The following CRK variants were observed in gnomAD, a reference collection of about 807,000 sequenced individuals.
CRK encodes the protein CRK proto-oncogene, adaptor protein.
In CRK, 4 loss-of-function variants were observed where a neutral mutation model predicts 29.8. That is an observed-to-expected ratio of 0.13 (90% CI 0.07 to 0.31). The LOEUF is 0.31. CRK is among the 10% of genes least tolerant of loss of function. The pLI is 1.00. For synonymous variants in CRK, 153 were observed against 164.9 expected, an observed-to-expected ratio of 0.93 and a Z score of 0.55; for missense variants, 274 against 396.5, an observed-to-expected ratio of 0.69 and a Z score of 2.62.
At position 1,422,187 on chromosome 17, in the gene CRK, T is replaced by C. The variant is rs1005865580; in HGVS notation, c.*1326A>G. 2 of 148,942 alleles carry C rather than the reference T, an allele frequency of 1.3e-5. No homozygotes were observed. The highest frequency in any genetic ancestry group is 3.0e-5 in the Non-Finnish European group (2 of 67,230). The allele number at this position is 148,942 out of a possible 1,614,324, so 9.2% of individuals were successfully genotyped here. ...TTTTCCTTTTTTTTTTTTTTGAGAC[T>C]GAGTCTTGCCCTGTCGCTCAGGCTG... On this transcript the variant is annotated 3_prime_UTR_variant, in exon 3 of 3. Coordinates refer to ENST00000300574, the MANE Select transcript of CRK (RefSeq NM_016823.4).
intron 2 of CRK, among the ~76,000 whole-genome samples, chr17:1,430,024 G>A (rs540757419): frequency 2.0e-5 from 3 of 151,276 alleles, no homozygotes; most frequent in South Asian, 2.1e-4. Context: ...ATGAGATAAT[G>A]GCTATGCCAT....
chr17:1,424,062 T>A (rs2073752846), intron 2 of CRK, among the ~76,000 whole-genome samples: 1 of 146,628 alleles, frequency 6.8e-6, no homozygotes, highest in African/African-American at 2.5e-5. Context: ...GAAGCAGCTT[T>A]CTCCGTTTTT....
intron 1 of CRK, among the ~76,000 whole-genome samples, chr17:1,454,116 C>A (rs2074038584): frequency 6.6e-6 from 1 of 152,100 alleles, no homozygotes; most frequent in African/African-American, 2.4e-5. Flanking sequence ...GAGGCAGAAT[C>A]ACTTGAACCC....
chr17:1,456,195 AC>A lies in CRK; in HGVS notation c.-79del. 1 of 1,353,926 alleles carries A rather than the reference AC, an allele frequency of 7.4e-7. No homozygotes were observed. Among genetic ancestry groups the A allele is most frequent in the Non-Finnish European group, 9.4e-7 (1 of 1,058,250 alleles). The allele number at this position is 1,353,926 out of a possible 1,614,324, so 83.9% of individuals were successfully genotyped here. A position where few individuals can be genotyped will look rare whatever the true frequency, so the allele number is the denominator to read the frequency against. ...GCCCCCGGCGCCCGCCGCCCAGCGG[AC>A]CGGCTCCGGTTTCAGCTTCACAGCA... On this transcript the variant is annotated 5_prime_UTR_variant, in exon 1 of 3. Coordinates refer to ENST00000300574, the MANE Select transcript of CRK (RefSeq NM_016823.4).
At chr17:1,447,147 G>A (rs970684854) in intron 1 of CRK, among the ~76,000 whole-genome samples, 2 of 82,916 alleles carry the variant, frequency 2.4e-5, no homozygotes, top group Admixed American at 1.4e-4. Flanking sequence ...TGTGTGTTCC[G>A]GCTCCTTTTC....
chr17:1,453,170 A>C (rs186652120), intron 1 of CRK, among the ~76,000 whole-genome samples: 493 of 152,272 alleles, frequency 3.2e-3, no homozygotes, highest in Non-Finnish European at 5.5e-3. Context: ...AAGAATTATC[A>C]CAATACTCGT....
intron 1 of CRK, among the ~76,000 whole-genome samples, chr17:1,446,051 C>T (rs544519275): frequency 3.5e-4 from 54 of 152,268 alleles, no homozygotes; most frequent in African/African-American, 1.2e-3. Context: ...GCATGAGCCA[C>T]CGCGCCCAGC....
rs776111511 is a variant in CRK at position 1,423,660 on chromosome 17, G to A, written c.778-10C>T. Reference sequence around the variant, plus strand: ...TTACCAGCTCACCGACCTGCAGGAGGAGAATAAGGAGAGCACTTTATTTCC... The same window carrying A: ...TTACCAGCTCACCGACCTGCAGGAGAAGAATAAGGAGAGCACTTTATTTCC... On this transcript the variant is annotated splice_polypyrimidine_tract_variant and intron_variant, in intron 2 of 2. Transcript: ENST00000300574. 12 of 1,613,308 alleles carry A rather than the reference G, an allele frequency of 7.4e-6. No homozygotes were observed. Among genetic ancestry groups the A allele is most frequent in the Non-Finnish European group, 1.0e-5 (12 of 1,179,688 alleles).
At chr17:1,448,537 T>TG (rs2073992510) in intron 1 of CRK, among the ~76,000 whole-genome samples, 1 of 138,050 alleles carries the variant, frequency 7.2e-6, no homozygotes, top group South Asian at 2.3e-4. Context: ...GCAGGAGAAC[T>TG]GCCTGAACCT....
At chr17:1,446,740 C>T (rs936583361) in intron 1 of CRK, among the ~76,000 whole-genome samples, 4 of 151,878 alleles carry the variant, frequency 2.6e-5, no homozygotes, top group Non-Finnish European at 5.9e-5. Context: ...TACAGGTGCC[C>T]GCCACCACGC....
In CRK at chr17:1,422,496, C is replaced by T. The variant is rs1007324675; in HGVS notation, c.*1017G>A. ...ATTTTTTCAAAGCACTAACCCTACC[C>T]CAAATTCATGTAATACTAACTTGAC... is the stretch of plus-strand genomic sequence containing the variant. On this transcript the variant is annotated 3_prime_UTR_variant, in exon 3 of 3. Coordinates refer to ENST00000300574, the MANE Select transcript of CRK (RefSeq NM_016823.4). 6.5e-6 allele frequency: 1 copy of T among 154,928 alleles called. No individual in the cohort carries two copies. Among genetic ancestry groups the T allele is most frequent in the Non-Finnish European group, 1.4e-5 (1 of 69,836 alleles). The allele number at this position is 154,928 out of a possible 1,614,324, so 9.6% of individuals were successfully genotyped here. A position where few individuals can be genotyped will look rare whatever the true frequency, so the allele number is the denominator to read the frequency against.
In CRK at chr17:1,423,135, G is replaced by C; in HGVS notation, c.*378C>G. The C allele has an allele frequency of 2.3e-6, 1 of 433,702 alleles. No homozygotes were observed. Among genetic ancestry groups the C allele is most frequent in the Non-Finnish European group, 4.0e-6 (1 of 247,244 alleles). 26.9% of individuals were successfully genotyped at this position (433,702 alleles called of 1,614,324 possible). The stretch of plus-strand genomic sequence containing the variant: ...GTCGCCATTTGATAGTATGGTTCCA[G>C]AATGAAAACAAAACCACTGAATAAA... On this transcript the variant is annotated 3_prime_UTR_variant, in exon 3 of 3. Transcript: ENST00000300574.
In CRK at chr17:1,443,445, G is replaced by A. The variant is rs2073950414; in HGVS notation, c.242-6290C>T. Among the ~76,000 whole-genome samples, 3 of 152,094 alleles carry A rather than the reference G, an allele frequency of 2.0e-5. 1 individual carries two copies. The South Asian group carries it at 6.2e-4, about 32-fold the overall frequency. ...CAGAGTCTCACTGTTGCCCAGGATG[G>A]AGGGCAGTGGTGCAATCTTGGCTCA... On this transcript the variant is annotated intron_variant, in intron 1 of 2. Transcript: ENST00000300574.
intron 2 of CRK, among the ~76,000 whole-genome samples, chr17:1,431,025 G>A (rs976713607): frequency 5.3e-5 from 8 of 151,994 alleles, no homozygotes; most frequent in South Asian, 4.1e-4. Flanking sequence ...CCGAGATCAC[G>A]CACTGCACTC....
At chr17:1,438,706 TAA>T (rs1426305102) in intron 1 of CRK, among the ~76,000 whole-genome samples, 1 of 152,268 alleles carries the variant, frequency 6.6e-6, no homozygotes, top group African/African-American at 2.4e-5. Context: ...TTAAAATTCC[TAA>T]GACACGAGTG....
intron 1 of CRK, among the ~76,000 whole-genome samples, chr17:1,448,318 A>G (rs539380223): frequency 3.9e-5 from 6 of 152,092 alleles, no homozygotes; most frequent in African/African-American, 1.4e-4. Context: ...CCTATCTAAT[A>G]AATAAAGTTC....
intron 1 of CRK, among the ~76,000 whole-genome samples, chr17:1,454,211 A>G (rs945416143): frequency 2.0e-5 from 3 of 152,050 alleles, no homozygotes; most frequent in Non-Finnish European, 2.9e-5. Flanking sequence ...AAATAAATAA[A>G]TAAGTAAGAA....
chr17:1,431,612 G>A (rs2073845933), intron 2 of CRK, among the ~76,000 whole-genome samples: 1 of 151,580 alleles, frequency 6.6e-6, no homozygotes, highest in Non-Finnish European at 1.5e-5. Context: ...TTTTGAGGCA[G>A]AGTCTCACTC....
Position 1,456,173 on chromosome 17 carries a change from C to G in CRK, c.-56G>C, listed in dbSNP as rs2074055927. On this transcript the variant is annotated 5_prime_UTR_variant, in exon 1 of 3. Transcript: ENST00000300574. ...CGCCGCCGCGCGCGCCCCTCCGGCC[C>G]CCGGCGCCCGCCGCCCAGCGGACCG... The G allele has an allele frequency of 1.4e-6, 2 of 1,383,246 alleles. No homozygotes were observed. The highest frequency in any genetic ancestry group is 1.9e-6 in the Non-Finnish European group (2 of 1,072,814). 85.7% of individuals were successfully genotyped at this position (1,383,246 alleles called of 1,614,324 possible). A position where few individuals can be genotyped will look rare whatever the true frequency, so the allele number is the denominator to read the frequency against.
Sources: gnomAD v4.1 joint callset for allele counts (sites outside exome capture counted in the v4.1 genomes callset) on GRCh38, gnomAD v4.1.1 for gene constraint, MANE v1.5 for transcripts, NCBI Gene and HGNC (gene_info 2026-07-23, HGNC 2026-07-21) for gene names.